Variants in ACTR5 observed in about 807,000 individuals in gnomAD.
ACTR5 encodes actin-related protein 5.
ACTR5 carries 43 observed loss-of-function variants against 61.2 expected under a neutral mutation model. The ratio of observed to expected loss-of-function variants is 0.70; its 90% CI spans 0.55 to 0.91. ACTR5 has a LOEUF of 0.91. ACTR5 is among the 40% of genes least tolerant of loss of function. The pLI, the probability that ACTR5 is intolerant of heterozygous loss-of-function variation, is 0.00. For synonymous variants in ACTR5, 333 were observed against 310.5 expected (o/e 1.07, Z -0.76); for missense variants, 798 against 782.2 (o/e 1.02, Z -0.24).
chr20:38,765,994 T>C (rs1290290183), intron 6 of ACTR5, among the ~76,000 whole-genome samples: 2 of 152,164 alleles, frequency 1.3e-5, no homozygotes, highest in Non-Finnish European at 2.9e-5. Context: ...ACTGCTGCTC[T>C]CCACAAAGCC....
chr20:38,762,724 A>C (rs1804551599), intron 5 of ACTR5, among the ~76,000 whole-genome samples: 1 of 152,184 alleles, frequency 6.6e-6, no homozygotes, highest in African/African-American at 2.4e-5. Flanking sequence ...GTGAATCCAC[A>C]GGAAAGGTCA....
At position 38,772,117 on chromosome 20, in the gene ACTR5, T is replaced by C. The variant is rs757946271; in HGVS notation, c.*301T>C. On this transcript the variant is annotated 3_prime_UTR_variant, in exon 9 of 9. Transcript: ENST00000243903. The stretch of plus-strand genomic sequence containing the variant: ...ATGAAGACAGAGTGGAGGACACAAA[T>C]GTACAAAATGCACAAGACTGATTTC... 2.6e-6 allele frequency: 1 copy of C among 380,248 alleles called. No homozygotes were observed. Among genetic ancestry groups the C allele is most frequent in the Admixed American group, 4.0e-5 (1 of 24,760 alleles). 23.6% of individuals were successfully genotyped at this position (380,248 alleles called of 1,614,324 possible). A position where few individuals can be genotyped will look rare whatever the true frequency, so the allele number is the denominator to read the frequency against.
At chr20:38,749,913 GC>G in intron 1 of ACTR5, 96 bp from the exon 2 acceptor site, 1 of 1,063,276 alleles carries the variant, frequency 9.4e-7, no homozygotes, top group African/African-American at 1.6e-5. Context: ...GAAGCCAAAA[GC>G]AAATTCAGTC....
At chr20:38,758,646 CA>C (rs11476846) in intron 5 of ACTR5, among the ~76,000 whole-genome samples, 83,656 of 141,528 alleles carry the variant, frequency 0.59, 23,521 homozygotes, top group South Asian at 0.62. Flanking sequence ...GACCCCGTCT[CA>C]AAAAAAAAAA....
rs997646437 is a variant in ACTR5, at chr20:38,768,352, C to G, written c.1566+756C>G. Among the ~76,000 whole-genome samples, 9 of 152,254 alleles carry G rather than the reference C, an allele frequency of 5.9e-5. No individual in the cohort carries two copies. In the East Asian group the frequency reaches 1.3e-3, roughly 23 times the overall value. On this transcript the variant is annotated intron_variant, in intron 8 of 8. Coordinates refer to ENST00000243903, the MANE Select transcript of ACTR5 (RefSeq NM_024855.4). ...TAAGACCATTCCAGGCAGGATGATT[C>G]TCTGGGAGGATTCACAGGACTCAGC... is the stretch of plus-strand genomic sequence containing the variant.
chr20:38,755,197 G>A (rs759537662), intron 4 of ACTR5, 23 bp downstream of exon 4: 1 of 1,558,800 alleles, frequency 6.4e-7, no homozygotes, highest in South Asian at 1.2e-5. Context: ...ACAGGGACGG[G>A]CGCCCTTCCG....
Position 38,765,535 on chromosome 20 carries a change from C to T in ACTR5, c.1293+17C>T. ...ACTGTTCAGGTTTGACTTCTACAGC[C>T]CAGAACATGCTTATTCTTTGAAGGT... On this transcript the variant is annotated intron_variant, in intron 6 of 8. Coordinates refer to ENST00000243903, the MANE Select transcript of ACTR5 (RefSeq NM_024855.4). 4 of 1,588,816 alleles carry T rather than the reference C, an allele frequency of 2.5e-6. No homozygotes were observed. The South Asian group carries it at 4.4e-5, about 18-fold the overall frequency.
chr20:38,750,317 C>T (rs766917115), intron 2 of ACTR5, 78 bp downstream of exon 2: 92 of 1,292,208 alleles, frequency 7.1e-5, no homozygotes, highest in Non-Finnish European at 9.7e-5. Flanking sequence ...GCTTTAAAGG[C>T]AGAGTAGAAA....
At position 38,771,789 on chromosome 20, in the gene ACTR5, T is replaced by G; in HGVS notation, c.1797T>G (p.Gly599=). 6.2e-7 allele frequency: 1 copy of G among 1,613,100 alleles called. No homozygotes were observed. Among genetic ancestry groups the G allele is most frequent in the Non-Finnish European group, 8.5e-7 (1 of 1,179,854 alleles). ...CATCCAGCAAGGGCTCCGCTGCTGG[T>G]GGAGGTGGTGCTGGTGAGCAGGCAT... The part of the protein sequence containing the change: ...AQASSKGSAA[G]GGGAGEQA The change falls in exon 9 of 9, where the codon GGT becomes GGG. Residue 599 remains glycine, a synonymous_variant. Coordinates refer to ENST00000243903, the MANE Select transcript of ACTR5 (RefSeq NM_024855.4).
chr20:38,771,529 G>A, intron 8 of ACTR5, 30 bp from the exon 9 acceptor site: 2 of 1,596,014 alleles, frequency 1.3e-6, no homozygotes, highest in Non-Finnish European at 1.7e-6. Flanking sequence ...AGCCCTGGTG[G>A]AGGTGTCCTG....
intron 5 of ACTR5, among the ~76,000 whole-genome samples, chr20:38,760,982 C>T (rs886823998): frequency 5.9e-5 from 9 of 152,060 alleles, no homozygotes; most frequent in Non-Finnish European, 7.4e-5. Context: ...GGGAATGAGA[C>T]GATGAGATTT....
intron 2 of ACTR5, among the ~76,000 whole-genome samples, chr20:38,751,921 C>T (rs1017840055): frequency 2.6e-5 from 4 of 152,208 alleles, no homozygotes; most frequent in South Asian, 2.1e-4. Context: ...GTTAGGTGGC[C>T]GTGTGACTGT....
intron 5 of ACTR5, among the ~76,000 whole-genome samples, chr20:38,763,801 G>C (rs1601201802): frequency 6.6e-6 from 1 of 152,192 alleles, no homozygotes; most frequent in Non-Finnish European, 1.5e-5. Context: ...GACAGCTTTT[G>C]CTTCCTTCCC....
In ACTR5 at chr20:38,771,514, C is replaced by T. The variant is rs1311698615; in HGVS notation, c.1567-45C>T. 1.9e-6 allele frequency: 3 copies of T among 1,585,804 alleles called. No homozygotes were observed. In the East Asian group the frequency reaches 6.7e-5, roughly 35 times the overall value. On this transcript the variant is annotated intron_variant, in intron 8 of 8. Coordinates refer to ENST00000243903, the MANE Select transcript of ACTR5 (RefSeq NM_024855.4). ...TAGCTGAGCCAGGTCAACATTCACT[C>T]CTGGAGCCCTGGTGGAGGTGTCCTG...
chr20:38,762,722 A>T (rs1224363000), intron 5 of ACTR5, among the ~76,000 whole-genome samples: 1 of 152,198 alleles, frequency 6.6e-6, no homozygotes, highest in Non-Finnish European at 1.5e-5. Flanking sequence ...ATGTGAATCC[A>T]CAGGAAAGGT....
At chr20:38,768,919 A>G (rs1353513567) in intron 8 of ACTR5, among the ~76,000 whole-genome samples, 1 of 152,194 alleles carries the variant, frequency 6.6e-6, no homozygotes, top group Admixed American at 6.5e-5. Flanking sequence ...AGTAAGATAT[A>G]TTTGACACTG....
chr20:38,770,108 TC>T (rs751903778), intron 8 of ACTR5, among the ~76,000 whole-genome samples: 1 of 151,660 alleles, frequency 6.6e-6, no homozygotes, highest in Non-Finnish European at 1.5e-5. Context: ...TAGCCTCAGC[TC>T]CCCCCTCCCC....
intron 8 of ACTR5, among the ~76,000 whole-genome samples, chr20:38,768,314 T>C (rs2084500235): frequency 6.6e-6 from 1 of 152,166 alleles, no homozygotes; most frequent in African/African-American, 2.4e-5. Flanking sequence ...TGAGCTGTTG[T>C]GTTGAGGGTC....
Position 38,755,044 on chromosome 20 carries a change from C to T in ACTR5, c.863C>T (p.Thr288Ile). The change falls in exon 4 of 9, where the codon ACT (threonine) becomes ATT (isoleucine). Residue 288 changes from threonine to isoleucine, a missense_variant. By Grantham distance (89) the Thr-to-Ile change is moderately conservative. Transcript: ENST00000243903. ...LPFSSKLLGS[T>I]LTSEEKQERR... ...TTTTCCAGCAAGCTCCTGGGCAGCACTCTGACCTCTGAGGAGAAACAAGAA... is the reference window on the plus strand; with the variant it reads ...TTTTCCAGCAAGCTCCTGGGCAGCATTCTGACCTCTGAGGAGAAACAAGAA... 1 of 1,614,250 alleles carries T rather than the reference C, an allele frequency of 6.2e-7. No individual in the cohort carries two copies.
Sources: gnomAD v4.1 joint callset for allele counts (sites outside exome capture counted in the v4.1 genomes callset) on GRCh38, gnomAD v4.1.1 for gene constraint, MANE v1.5 for transcripts, NCBI Gene and HGNC (gene_info 2026-07-23, HGNC 2026-07-21) for gene names.